The following PLLP variants were observed in gnomAD, a reference collection of about 807,000 sequenced individuals.
The protein encoded by PLLP is plasmolipin.
A neutral mutation model predicts 19.7 loss-of-function variants in PLLP; 15 were observed. The ratio of observed to expected loss-of-function variants is 0.76; its 90% confidence interval spans 0.51 to 1.17. The LOEUF (loss-of-function observed/expected upper bound fraction) is 1.17. PLLP is among the 50% of genes most tolerant of loss of function. PLLP has a pLI of 0.00. For synonymous variants in PLLP, 111 were observed against 116.3 expected, an observed-to-expected ratio of 0.95 and a Z score of 0.29; for missense variants, 255 against 258.3, an observed-to-expected ratio of 0.99 and a Z score of 0.09.
intron 1 of PLLP, among the ~76,000 whole-genome samples, chr16:57,281,314 G>T (rs560715498): frequency 1.3e-5 from 2 of 152,096 alleles, no homozygotes; most frequent in Non-Finnish European, 2.9e-5. Context: ...AAATGGGGCC[G>T]ACTAAGAAGA....
rs201917651 is a variant in PLLP, at chr16:57,258,512, G to A, written c.382C>T (p.Leu128=). 3.3e-5 allele frequency: 53 copies of A among 1,613,148 alleles called. No individual in the cohort carries two copies. The highest frequency in any genetic ancestry group is 3.3e-4 in the Middle Eastern group (2 of 6,062). The part of the protein sequence containing the change: ...AFIACSAAVD[L]TSLRGTRPYN... ...GGCCGGGTGCCCCTCAGGGATGTCA[G>A]GTCAACTGCCGCAGAGCAGGCGATG... The change falls in exon 3 of 4, where the codon CTG becomes TTG. Residue 128 remains leucine (L), a synonymous_variant. Transcript: ENST00000219207.
chr16:57,269,997 G>A (rs1189128038), intron 1 of PLLP, among the ~76,000 whole-genome samples: 1 of 152,104 alleles, frequency 6.6e-6, no homozygotes, highest in Non-Finnish European at 1.5e-5. Context: ...TCAAACTCCT[G>A]ACCTCAGATG....
intron 1 of PLLP, among the ~76,000 whole-genome samples, chr16:57,270,347 C>T (rs1597962605): frequency 6.8e-6 from 1 of 147,992 alleles, no homozygotes; most frequent in African/African-American, 2.5e-5. Context: ...TTCCACAGCC[C>T]CCGAGTCCTT....
intron 1 of PLLP, among the ~76,000 whole-genome samples, chr16:57,275,121 ACACACACATG>A (rs1192714632): frequency 4.9e-4 from 29 of 59,088 alleles, no homozygotes; most frequent in Non-Finnish European, 6.8e-4. Context: ...ACACACACAC[ACACACACATG>A]CATTTCAGAT....
chr16:57,282,945 G>A (rs571306692), intron 1 of PLLP, among the ~76,000 whole-genome samples: 1 of 152,270 alleles, frequency 6.6e-6, no homozygotes, highest in South Asian at 2.1e-4. Context: ...CCCCTGGGCA[G>A]CCAGGCAGCT....
At chr16:57,281,074 G>C (rs1324920873) in intron 1 of PLLP, among the ~76,000 whole-genome samples, 6 of 152,180 alleles carry the variant, frequency 3.9e-5, no homozygotes, top group African/African-American at 1.2e-4. Flanking sequence ...TCTGGGAGAA[G>C]CACATCCTCT....
chr16:57,283,755 G>A (rs1174787723), intron 1 of PLLP, among the ~76,000 whole-genome samples: 1 of 152,230 alleles, frequency 6.6e-6, no homozygotes, highest in East Asian at 1.9e-4. Context: ...GGTCCCGTGG[G>A]GCTGGCTAAA....
intron 2 of PLLP, among the ~76,000 whole-genome samples, 187 bp downstream of exon 2, chr16:57,261,710 A>C (rs1286879344): frequency 6.6e-6 from 1 of 152,046 alleles, no homozygotes; most frequent in African/African-American, 2.4e-5. Context: ...ATAGTGAGAC[A>C]CTGTCTTGAA....
chr16:57,266,468 C>A (rs1312887349), intron 1 of PLLP, among the ~76,000 whole-genome samples: 3 of 152,154 alleles, frequency 2.0e-5, no homozygotes, highest in Non-Finnish European at 4.4e-5. Flanking sequence ...GAACAGGGCA[C>A]CCAACACAGG....
At position 57,256,873 on chromosome 16, in the gene PLLP, C is replaced by A. The variant is rs746920283; in HGVS notation, c.*40G>T. 2 of 1,368,526 alleles carry A rather than the reference C, an allele frequency of 1.5e-6. No homozygotes were observed. Among genetic ancestry groups the A allele is most frequent in the South Asian group, 1.2e-5 (1 of 85,850 alleles). 84.8% of individuals were successfully genotyped at this position (1,368,526 alleles called of 1,614,324 possible). On this transcript the variant is annotated 3_prime_UTR_variant, in exon 4 of 4. Coordinates refer to ENST00000219207, the MANE Select transcript of PLLP (RefSeq NM_015993.3). ...AGGGTGACCCTGCTCTGTGACCCAG[C>A]GGCGGCTTCAGCCCCAGAGGGGGCC...
chr16:57,278,875 C>T (rs1459702297), intron 1 of PLLP, among the ~76,000 whole-genome samples: 1 of 152,142 alleles, frequency 6.6e-6, no homozygotes, highest in Non-Finnish European at 1.5e-5. Context: ...CCCTGCCCTG[C>T]CCTTCATCTG....
intron 2 of PLLP, among the ~76,000 whole-genome samples, chr16:57,261,135 G>A (rs1026453395): frequency 2.6e-5 from 4 of 152,046 alleles, no homozygotes; most frequent in Admixed American, 6.5e-5. Flanking sequence ...CTAGAGGCGC[G>A]CGCCACCACA....
intron 2 of PLLP, among the ~76,000 whole-genome samples, chr16:57,258,871 T>C (rs1416701020): frequency 1.6e-5 from 2 of 125,496 alleles, no homozygotes; most frequent in African/African-American, 6.3e-5. Flanking sequence ...CAGTGAGTCA[T>C]GATCACACCA....
chr16:57,275,682 A>T (rs1389477147), intron 1 of PLLP, among the ~76,000 whole-genome samples: 1 of 151,124 alleles, frequency 6.6e-6, no homozygotes, highest in Admixed American at 6.6e-5. Context: ...GGGGGAAAAA[A>T]ACCCAGCAAA....
chr16:57,262,521 C>T (rs1288315490), intron 1 of PLLP, among the ~76,000 whole-genome samples: 4 of 151,510 alleles, frequency 2.6e-5, no homozygotes, highest in African/African-American at 9.7e-5. Flanking sequence ...CACTGCACTC[C>T]AGCCTGGGAG....
rs1158677801 is a variant in PLLP at position 57,258,717 on chromosome 16, T to A, written c.310-133A>T. 4 of 835,890 alleles carry A rather than the reference T, an allele frequency of 4.8e-6. No individual in the cohort carries two copies. The African/African-American group carries it at 5.1e-5, about 11-fold the overall frequency. 51.8% of individuals were successfully genotyped at this position (835,890 alleles called of 1,614,324 possible). ...TGGAAGGATCGCTTGAGCCCAGGAG[T>A]TAGAGACCAGCCTGGGGAACATAGG... On this transcript the variant is annotated intron_variant, in intron 2 of 3. Coordinates refer to ENST00000219207, the MANE Select transcript of PLLP (RefSeq NM_015993.3).
intron 1 of PLLP, among the ~76,000 whole-genome samples, chr16:57,283,918 C>A (rs1901249122): frequency 6.6e-6 from 1 of 152,190 alleles, no homozygotes; most frequent in South Asian, 2.1e-4. Context: ...CCACCCGGAG[C>A]CGCTGGGAGC....
rs376926436 is a variant in PLLP at position 57,262,089 on chromosome 16, G to T, written c.136-19C>A. ...CCAGCACCTAGGAGGGTCAGACAAG[G>T]CAGGATTGGCCAGAGATGCGGTTTC... On this transcript the variant is annotated intron_variant, in intron 1 of 3. Transcript: ENST00000219207. 3.8e-4 allele frequency: 606 copies of T among 1,613,152 alleles called. No homozygotes were observed. The highest frequency in any genetic ancestry group is 4.9e-4 in the Non-Finnish European group (583 of 1,179,284).
chr16:57,284,426 C>T lies in PLLP; in HGVS notation c.115G>A (p.Ala39Thr), dbSNP rs747372787. ...DLGFVRSRLGALMLLQLVLGL... is the reference protein window; with the variant it reads ...DLGFVRSRLGTLMLLQLVLGL... ...CTCACCAGCTGCAGCAGCATGAGCG[C>T]CCCGAGGCGGGAGCGCACGAAGCCC... The change falls in exon 1 of 4, where the codon GCG (alanine) becomes ACG (threonine). Residue 39 changes from alanine (A) to threonine (T), a missense_variant. By Grantham distance (58) the Ala-to-Thr change is moderately conservative (BLOSUM62 0). Coordinates refer to ENST00000219207, the MANE Select transcript of PLLP (RefSeq NM_015993.3). The T allele has an allele frequency of 2.1e-6, 3 of 1,425,182 alleles. No individual in the cohort carries two copies. Among genetic ancestry groups the T allele is most frequent in the South Asian group, 1.4e-5 (1 of 70,792 alleles). The allele number at this position is 1,425,182 out of a possible 1,614,324, so 88.3% of individuals were successfully genotyped here. A position where few individuals can be genotyped will look rare whatever the true frequency, so the allele number is the denominator to read the frequency against.
Sources: gnomAD v4.1 joint callset for allele counts (sites outside exome capture counted in the v4.1 genomes callset) on GRCh38, gnomAD v4.1.1 for gene constraint, MANE v1.5 for transcripts, NCBI Gene and HGNC (gene_info 2026-07-23, HGNC 2026-07-21) for gene names.